The following SPOCK3 variants were observed in gnomAD, a reference collection of about 807,000 sequenced individuals.
SPOCK3 encodes testican-3.
A neutral mutation model predicts 56.6 loss-of-function variants in SPOCK3; 30 were observed. The observed-to-expected ratio is 0.53, with a 90% confidence interval of 0.40 to 0.72. The LOEUF is 0.72. Among genes scored for constraint, SPOCK3 ranks in the 30% least tolerant of loss-of-function variants. The pLI is 0.00. For synonymous variants in SPOCK3, 196 were observed against 183.3 expected (o/e 1.07, Z -0.56); for missense variants, 527 against 530.0 (o/e 0.99, Z 0.06).
chr4:167,060,012 G>A (rs1755409141), intron 3 of SPOCK3, among the ~76,000 whole-genome samples: 3 of 151,460 alleles, frequency 2.0e-5, no homozygotes, highest in East Asian at 2.0e-4. Flanking sequence ...GGGGTGGGGG[G>A]AGTGGGGAGG....
chr4:166,977,005 G>A (rs1386043703), intron 4 of SPOCK3, among the ~76,000 whole-genome samples: 1 of 151,844 alleles, frequency 6.6e-6, no homozygotes, highest in Non-Finnish European at 1.5e-5. Context: ...AAGCACACAT[G>A]GTTAATAAAA....
Position 167,200,854 on chromosome 4 carries a change from A to G in SPOCK3, c.189+33131T>C, listed in dbSNP as rs1052623414. Reference sequence around the variant, plus strand: ...TGGAAATTTTGGTTGGCAAAGAAAGAAAGTGTATCCTTTTGGTATGGCATT... The same window carrying G: ...TGGAAATTTTGGTTGGCAAAGAAAGGAAGTGTATCCTTTTGGTATGGCATT... On this transcript the variant is annotated intron_variant, in intron 2 of 10. Coordinates refer to ENST00000357545, the MANE Select transcript of SPOCK3 (RefSeq NM_001040159.2). Among the ~76,000 whole-genome samples the G allele has an allele frequency of 3.3e-5, 5 of 152,104 alleles. No individual in the cohort carries two copies. In the South Asian group the frequency reaches 8.3e-4, roughly 25 times the overall value.
At chr4:166,821,155 C>A (rs1579321861) in intron 6 of SPOCK3, among the ~76,000 whole-genome samples, 2 of 152,012 alleles carry the variant, frequency 1.3e-5, no homozygotes. Flanking sequence ...AAATATAAAA[C>A]ATTTGAATAA....
At chr4:166,899,529 C>T (rs1386274661) in intron 5 of SPOCK3, among the ~76,000 whole-genome samples, 1 of 29,714 alleles carries the variant, frequency 3.4e-5, no homozygotes, top group African/African-American at 8.8e-5. Context: ...TTTTTTGAGA[C>T]AGAGTCTTGC....
intron 4 of SPOCK3, among the ~76,000 whole-genome samples, chr4:166,933,686 A>C (rs1561025559): frequency 6.6e-6 from 1 of 152,246 alleles, no homozygotes; most frequent in Non-Finnish European, 1.5e-5. Context: ...AAAGAGACTT[A>C]GAACATAGAG....
At chr4:167,176,048 C>T (rs1168757686) in intron 2 of SPOCK3, among the ~76,000 whole-genome samples, 1 of 151,984 alleles carries the variant, frequency 6.6e-6, no homozygotes, top group Admixed American at 6.6e-5. Flanking sequence ...AGAATGCTAT[C>T]CTTGCTTTTT....
rs565015562 is a variant in SPOCK3 at position 167,154,357 on chromosome 4, C to T, written c.189+79628G>A. On this transcript the variant is annotated intron_variant, in intron 2 of 10. Transcript: ENST00000357545. ...GGTGCCTGTTTTGGGACCAGGATTA[C>T]GGTCCTAGGGACACTCAGAGGCCCC... 9.2e-5 allele frequency among the ~76,000 whole-genome samples: 14 copies of T among 151,952 alleles called. No individual in the cohort carries two copies. The East Asian group carries it at 9.7e-4, about 10-fold the overall frequency.
At chr4:166,906,016 T>C (rs1579603226) in intron 5 of SPOCK3, among the ~76,000 whole-genome samples, 1 of 152,002 alleles carries the variant, frequency 6.6e-6, no homozygotes, top group East Asian at 1.9e-4. Context: ...TACTGCACAA[T>C]ATCTAAAAAA....
At chr4:167,124,478 T>G (rs1461070990) in intron 2 of SPOCK3, among the ~76,000 whole-genome samples, 1 of 152,212 alleles carries the variant, frequency 6.6e-6, no homozygotes, top group Admixed American at 6.5e-5. Flanking sequence ...AAGTCTGTTC[T>G]TCTAGTTCCT....
chr4:166,970,494 C>T lies in SPOCK3; in HGVS notation c.350+29855G>A, dbSNP rs567514265. Among the ~76,000 whole-genome samples, 8 of 152,206 alleles carry T rather than the reference C, an allele frequency of 5.3e-5. No homozygotes were observed. In the East Asian group the frequency reaches 5.8e-4, roughly 11 times the overall value. On this transcript the variant is annotated intron_variant, in intron 4 of 10. Transcript: ENST00000357545. ...ATCCCAGCACTTTGGGAGGCTGAGG[C>T]GGGTGGATCACCTGAATTCAGTAGT... is the stretch of plus-strand genomic sequence containing the variant.
intron 2 of SPOCK3, among the ~76,000 whole-genome samples, chr4:167,231,586 G>T (rs552178909): frequency 6.6e-6 from 1 of 152,076 alleles, no homozygotes; most frequent in South Asian, 2.1e-4. Context: ...ATGCCTTATC[G>T]CCATGTGCTT....
At chr4:167,221,848 A>G (rs530078193) in intron 2 of SPOCK3, among the ~76,000 whole-genome samples, 6 of 152,302 alleles carry the variant, frequency 3.9e-5, no homozygotes, top group Admixed American at 3.3e-4. Flanking sequence ...ACCCTTATCC[A>G]TTGTGAGTAG....
At chr4:166,881,095 A>G (rs17598700) in intron 6 of SPOCK3, among the ~76,000 whole-genome samples, 11,739 of 152,156 alleles carry the variant, frequency 0.077, 542 homozygotes, top group Non-Finnish European at 0.1. Context: ...TTCAACATAT[A>G]CTTTTAAATT....
At chr4:166,832,434 G>A (rs1008211616) in intron 6 of SPOCK3, among the ~76,000 whole-genome samples, 2 of 152,020 alleles carry the variant, frequency 1.3e-5, no homozygotes, top group African/African-American at 4.8e-5. Flanking sequence ...TGAGGCTGAG[G>A]AGAAAAGAGA....
In SPOCK3 at chr4:166,831,987, C is replaced by T. The variant is rs146948765; in HGVS notation, c.590-39698G>A. Among the ~76,000 whole-genome samples the T allele has an allele frequency of 3.0e-3, 462 of 151,888 alleles. 2 individuals carry two copies. Among genetic ancestry groups the T allele is most frequent in the African/African-American group, 0.01 (434 of 41,436 alleles). On this transcript the variant is annotated intron_variant, in intron 6 of 10. Transcript: ENST00000357545. ...TCCTTATAAATTCTGAGTACTAGAC[C>T]TTTGTCAGATATATAGTTTGCAAAT...
intron 3 of SPOCK3, among the ~76,000 whole-genome samples, chr4:167,032,982 G>T (rs1179984518): frequency 6.6e-6 from 1 of 151,822 alleles, no homozygotes; most frequent in Non-Finnish European, 1.5e-5. Context: ...CTTCAATTAC[G>T]ACTAATGGCT....
At chr4:166,783,191 T>G (rs2126623953) in intron 7 of SPOCK3, among the ~76,000 whole-genome samples, 1 of 152,226 alleles carries the variant, frequency 6.6e-6, no homozygotes, top group African/African-American at 2.4e-5. Context: ...AAACCCTGTC[T>G]CTACTGAAAA....
At chr4:167,095,650 T>C (rs1312709823) in intron 2 of SPOCK3, among the ~76,000 whole-genome samples, 2 of 151,892 alleles carry the variant, frequency 1.3e-5, no homozygotes, top group African/African-American at 4.8e-5. Context: ...ATCAAAAGGA[T>C]AATAAACAAA....
intron 2 of SPOCK3, among the ~76,000 whole-genome samples, chr4:167,158,739 C>A (rs1285006692): frequency 6.6e-6 from 1 of 151,924 alleles, no homozygotes; most frequent in Non-Finnish European, 1.5e-5. Context: ...GTAACAAAAT[C>A]AAATCCACAC....
Sources: gnomAD v4.1 joint callset for allele counts (sites outside exome capture counted in the v4.1 genomes callset) on GRCh38, gnomAD v4.1.1 for gene constraint, MANE v1.5 for transcripts, NCBI Gene and HGNC (gene_info 2026-07-23, HGNC 2026-07-21) for gene names.